The following CNTNAP2 variants were observed in gnomAD, a reference collection of about 807,000 sequenced individuals.
The protein encoded by CNTNAP2 is contactin associated protein 2.
CNTNAP2 carries 98 observed loss-of-function variants against 155.2 expected under a neutral mutation model. The observed-to-expected ratio is 0.63, with a 90% CI of 0.54 to 0.75. The LOEUF (loss-of-function observed/expected upper bound fraction) is 0.75, where lower values mean the gene tolerates loss of function less well. CNTNAP2 is among the 30% of genes least tolerant of loss of function. The pLI, the probability that CNTNAP2 is intolerant of heterozygous loss-of-function variation, is 0.00. For synonymous variants in CNTNAP2, 651 were observed against 631.2 expected (o/e 1.03, Z -0.47); for missense variants, 1,727 against 1,688.1 (o/e 1.02, Z -0.40).
chr7:147,077,409 T>C (rs1024122252), intron 4 of CNTNAP2, among the ~76,000 whole-genome samples: 2 of 152,172 alleles, frequency 1.3e-5, no homozygotes, highest in African/African-American at 4.8e-5. Flanking sequence ...AAAAGATGCA[T>C]GTATGATTCA....
chr7:146,752,625 A>T (rs1347034047), intron 1 of CNTNAP2, among the ~76,000 whole-genome samples: 1 of 152,184 alleles, frequency 6.6e-6, no homozygotes, highest in African/African-American at 2.4e-5. Context: ...TAGTTTAATT[A>T]GATCCTATTT....
rs866842671 is a variant in CNTNAP2, at chr7:147,202,915, A to G, written c.1348+70406A>G. ...AATAGATCAATATTGTTATGGACAC[A>G]TTTCCAGACTGTAGAGAAATATGAA... On this transcript the variant is annotated intron_variant, in intron 8 of 23. Transcript: ENST00000361727. Among the ~76,000 whole-genome samples, 63 of 151,596 alleles carry G rather than the reference A, an allele frequency of 4.2e-4. 2 individuals carry two copies. Among genetic ancestry groups the G allele is most frequent in the African/African-American group, 1.4e-3 (58 of 41,476 alleles).
chr7:147,230,366 T>C (rs966379222), intron 8 of CNTNAP2, among the ~76,000 whole-genome samples: 1 of 152,170 alleles, frequency 6.6e-6, no homozygotes, highest in Non-Finnish European at 1.5e-5. Context: ...CAAGCAATTC[T>C]CCTGCCTCAG....
chr7:146,341,103 C>T (rs144036072), intron 1 of CNTNAP2, among the ~76,000 whole-genome samples: 1 of 152,064 alleles, frequency 6.6e-6, no homozygotes, highest in Non-Finnish European at 1.5e-5. Flanking sequence ...ACTTATCTAT[C>T]CTTTTGTTTA....
intron 1 of CNTNAP2, among the ~76,000 whole-genome samples, chr7:146,224,985 GAA>G (rs901901702): frequency 1.3e-5 from 2 of 148,988 alleles, no homozygotes; most frequent in South Asian, 4.2e-4. Flanking sequence ...TGGATGAGAA[GAA>G]AAAAAAAATC....
At chr7:147,450,777 C>T (rs1797818091) in intron 10 of CNTNAP2, among the ~76,000 whole-genome samples, 1 of 152,178 alleles carries the variant, frequency 6.6e-6, no homozygotes, top group Non-Finnish European at 1.5e-5. Context: ...AAAATTTTTA[C>T]TATTCTTGTA....
At chr7:146,144,859 A>C (rs1370372594) in intron 1 of CNTNAP2, among the ~76,000 whole-genome samples, 1 of 152,172 alleles carries the variant, frequency 6.6e-6, no homozygotes, top group Non-Finnish European at 1.5e-5. Flanking sequence ...TGGATGATAA[A>C]ACAAAATAAG....
intron 12 of CNTNAP2, among the ~76,000 whole-genome samples, chr7:147,634,741 G>A (rs970976780): frequency 3.1e-4 from 47 of 152,080 alleles, no homozygotes; most frequent in African/African-American, 1.1e-3. Context: ...TTGAAGAATA[G>A]TATATCAATA....
At chr7:146,960,167 G>A (rs963227795) in intron 3 of CNTNAP2, among the ~76,000 whole-genome samples, 5 of 151,772 alleles carry the variant, frequency 3.3e-5, no homozygotes, top group African/African-American at 1.2e-4. Flanking sequence ...CATCCTACTG[G>A]GGAAAAAAAT....
intron 12 of CNTNAP2, among the ~76,000 whole-genome samples, chr7:147,636,929 G>T (rs544841979): frequency 6.6e-6 from 1 of 152,224 alleles, no homozygotes; most frequent in Non-Finnish European, 1.5e-5. Context: ...AGAAGGAGTG[G>T]GTCCTGAGGG....
At chr7:146,600,580 T>C (rs1798935795) in intron 1 of CNTNAP2, among the ~76,000 whole-genome samples, 1 of 152,144 alleles carries the variant, frequency 6.6e-6, no homozygotes, top group South Asian at 2.1e-4. Flanking sequence ...ATTATACTTG[T>C]GCTTTGGGTG....
At chr7:146,199,540 T>C (rs1798826665) in intron 1 of CNTNAP2, among the ~76,000 whole-genome samples, 1 of 152,166 alleles carries the variant, frequency 6.6e-6, no homozygotes, top group African/African-American at 2.4e-5. Flanking sequence ...GTTAAATAAT[T>C]AAGGTTGTAA....
chr7:146,711,986 A>AT (rs1801087370), intron 1 of CNTNAP2, among the ~76,000 whole-genome samples: 2 of 28,764 alleles, frequency 7.0e-5, no homozygotes, highest in African/African-American at 3.1e-4. Flanking sequence ...TATACTATAT[A>AT]GTATACACAT....
intron 13 of CNTNAP2, among the ~76,000 whole-genome samples, chr7:147,745,172 C>T (rs982639927): frequency 9.9e-5 from 15 of 152,186 alleles, no homozygotes; most frequent in African/African-American, 3.6e-4. Context: ...TTTCTCAAGT[C>T]ATTCTGCCTC....
At chr7:146,349,316 C>T (rs1333908599) in intron 1 of CNTNAP2, among the ~76,000 whole-genome samples, 1 of 152,172 alleles carries the variant, frequency 6.6e-6, no homozygotes, top group African/African-American at 2.4e-5. Flanking sequence ...ATAGAATTCT[C>T]ATTACTACCT....
chr7:146,123,752 A>G (rs1045104300), intron 1 of CNTNAP2, among the ~76,000 whole-genome samples: 3 of 152,212 alleles, frequency 2.0e-5, no homozygotes, highest in Non-Finnish European at 4.4e-5. Flanking sequence ...TTAAGTGGTG[A>G]AATACCATGA....
intron 15 of CNTNAP2, among the ~76,000 whole-genome samples, chr7:148,028,581 A>G (rs1282092350): frequency 6.6e-6 from 1 of 152,196 alleles, no homozygotes; most frequent in Non-Finnish European, 1.5e-5. Context: ...GTCTCAAAAT[A>G]TATACATATG....
chr7:146,336,954 T>C (rs751852627), intron 1 of CNTNAP2, among the ~76,000 whole-genome samples: 4 of 152,112 alleles, frequency 2.6e-5, no homozygotes, highest in Non-Finnish European at 5.9e-5. Context: ...AGGGAGAGGA[T>C]GGGTCTGAGA....
chr7:147,798,027 C>T (rs930597041), intron 13 of CNTNAP2, among the ~76,000 whole-genome samples: 2 of 151,958 alleles, frequency 1.3e-5, no homozygotes, highest in Non-Finnish European at 2.9e-5. Flanking sequence ...ACTTGTCTTC[C>T]CACTTAGACC....
Sources: allele counts gnomAD v4.1 joint callset (sites outside exome capture counted in the v4.1 genomes callset), GRCh38; gene constraint gnomAD v4.1.1; transcripts MANE v1.5; gene names NCBI Gene and HGNC (gene_info 2026-07-23, HGNC 2026-07-21).